Variants in PARP8 observed in about 807,000 individuals in gnomAD.
The protein encoded by PARP8 is poly(ADP-ribose) polymerase family member 8.
In PARP8, 51 loss-of-function variants were observed where a neutral mutation model predicts 124.1. The ratio of observed to expected loss-of-function variants is 0.41; its 90% CI spans 0.33 to 0.52. PARP8 has a LOEUF of 0.52. Ranked by LOEUF, PARP8 falls within the 20% of genes least tolerant of loss-of-function variation. The pLI is 0.21. For synonymous variants in PARP8, 391 were observed against 361.5 expected, an observed-to-expected ratio of 1.08 and a Z score of -0.93; for missense variants, 860 against 1,018.9, an observed-to-expected ratio of 0.84 and a Z score of 2.12.
Position 50,807,448 on chromosome 5 carries a change from A to G in PARP8, c.1576-7984A>G, listed in dbSNP as rs1448919503. Among the ~76,000 whole-genome samples the G allele has an allele frequency of 2.0e-5, 3 of 152,190 alleles. No homozygotes were observed. The South Asian group carries it at 6.2e-4, about 32-fold the overall frequency. On this transcript the variant is annotated intron_variant, in intron 14 of 25. Coordinates refer to ENST00000281631, the MANE Select transcript of PARP8 (RefSeq NM_024615.4). Reference sequence around the variant, plus strand: ...ATACTCTCATCACAAAACCAAACCAAAACCAAATGCATAGTTCTCTCCATT... The same window carrying G: ...ATACTCTCATCACAAAACCAAACCAGAACCAAATGCATAGTTCTCTCCATT...
chr5:50,826,448 G>C (rs907727631), intron 18 of PARP8, among the ~76,000 whole-genome samples: 12 of 152,074 alleles, frequency 7.9e-5, no homozygotes, highest in African/African-American at 2.9e-4. Flanking sequence ...TTATTTGAAA[G>C]TACATTCAGA....
chr5:50,775,102 C>A (rs1171606939), intron 7 of PARP8, among the ~76,000 whole-genome samples: 1 of 151,804 alleles, frequency 6.6e-6, no homozygotes. Context: ...GGGCTCCTCA[C>A]ATCCCAGACG....
chr5:50,788,445 G>C (rs1341498916), intron 9 of PARP8, 78 bp from the exon 10 acceptor site: 1 of 1,322,644 alleles, frequency 7.6e-7, no homozygotes, highest in Non-Finnish European at 1.1e-6. Context: ...TATATAATGC[G>C]ATTTCAACCT....
At chr5:50,750,347 T>A (rs902732001) in intron 3 of PARP8, among the ~76,000 whole-genome samples, 159 bp downstream of exon 3, 1 of 152,112 alleles carries the variant, frequency 6.6e-6, no homozygotes, top group Non-Finnish European at 1.5e-5. Flanking sequence ...GCCTGCAAAG[T>A]ACATGTCTTA....
chr5:50,841,089 C>G (rs1468685397), intron 25 of PARP8, among the ~76,000 whole-genome samples: 2 of 151,740 alleles, frequency 1.3e-5, no homozygotes, highest in Non-Finnish European at 2.9e-5. Flanking sequence ...AAGATAGTGG[C>G]TAGTATTAAT....
chr5:50,764,940 T>C (rs1033886292), intron 7 of PARP8, among the ~76,000 whole-genome samples: 3 of 151,858 alleles, frequency 2.0e-5, no homozygotes, highest in African/African-American at 2.4e-5. Context: ...TAATACAACA[T>C]AGACTTCAAC....
Position 50,802,390 on chromosome 5 carries a change from C to T in PARP8, c.1575+5157C>T, listed in dbSNP as rs13361410. On this transcript the variant is annotated intron_variant, in intron 14 of 25. Transcript: ENST00000281631. ...GTACAGTGGTGCTGATCATAGCTCA[C>T]TGAAGCCTCCAACTTCTGGGCTTAA... Among the ~76,000 whole-genome samples the T allele has an allele frequency of 6.9e-3, 1,054 of 152,278 alleles. 8 individuals are homozygous for T. The highest frequency in any genetic ancestry group is 0.039 in the East Asian group (203 of 5,184).
chr5:50,733,027 C>T (rs1254941736), intron 2 of PARP8, among the ~76,000 whole-genome samples: 1 of 151,640 alleles, frequency 6.6e-6, no homozygotes, highest in Non-Finnish European at 1.5e-5. Flanking sequence ...AAAGGCCGGG[C>T]GCGGTGGCTC....
At chr5:50,738,989 A>G (rs1757752746) in intron 2 of PARP8, 2 of 702,576 alleles carry the variant, frequency 2.8e-6, no homozygotes, top group Non-Finnish European at 5.2e-6. Flanking sequence ...GCACATTCCT[A>G]GACTGGCTTC....
intron 14 of PARP8, among the ~76,000 whole-genome samples, chr5:50,807,116 G>A (rs1743937034): frequency 6.6e-6 from 1 of 150,532 alleles, no homozygotes; most frequent in Admixed American, 6.6e-5. Context: ...GTTTTTTGAT[G>A]ACATAAATCC....
chr5:50,820,080 A>G (rs914704485), intron 15 of PARP8, among the ~76,000 whole-genome samples: 93 of 152,224 alleles, frequency 6.1e-4, no homozygotes, highest in African/African-American at 2.2e-3. Flanking sequence ...TACTCGGGGC[A>G]TGTTATGTCT....
chr5:50,838,993 A>AT (rs1383064486), intron 25 of PARP8, among the ~76,000 whole-genome samples: 23 of 151,288 alleles, frequency 1.5e-4, no homozygotes, highest in Admixed American at 4.0e-4. Flanking sequence ...CTGCCTTGTC[A>AT]TTTTTTTTAA....
At chr5:50,671,529 TAGA>T (rs1336752387) in intron 2 of PARP8, among the ~76,000 whole-genome samples, 6 of 151,866 alleles carry the variant, frequency 4.0e-5, no homozygotes, top group African/African-American at 9.7e-5. Flanking sequence ...AAAAAAAAGT[TAGA>T]AGAAGAAATA....
At chr5:50,683,854 A>G (rs1751560619) in intron 2 of PARP8, among the ~76,000 whole-genome samples, 1 of 152,222 alleles carries the variant, frequency 6.6e-6, no homozygotes, top group Non-Finnish European at 1.5e-5. Flanking sequence ...ATTTGTGAAA[A>G]TATAGCTAAG....
In PARP8 at chr5:50,834,025, T is replaced by C; in HGVS notation, c.2354T>C (p.Leu785Ser). The change falls in exon 24 of 26, where the codon TTA (leucine) becomes TCA (serine). Residue 785 changes from leucine (L) to serine (S), a missense_variant. This residue lies in a region of PARP8 where 343 missense variants were observed against 474.7 expected (regional missense o/e 0.72). Transcript: ENST00000281631. Reference sequence around the variant, plus strand: ...TCCCAATTCCTGCAAAGCCGTAACTTAAAATGCATAGCCTTATGTGAAGGT... The same window carrying C: ...TCCCAATTCCTGCAAAGCCGTAACTCAAAATGCATAGCCTTATGTGAAGGT... Reference protein sequence around the residue: ...QQSQFLQSRNLKCIALCEVIT... With the variant: ...QQSQFLQSRNSKCIALCEVIT... 1 of 1,612,522 alleles carries C rather than the reference T, an allele frequency of 6.2e-7. No homozygotes were observed. Among genetic ancestry groups the C allele is most frequent in the Non-Finnish European group, 8.5e-7 (1 of 1,178,944 alleles).
intron 9 of PARP8, among the ~76,000 whole-genome samples, chr5:50,782,505 A>G (rs1740784527): frequency 6.6e-6 from 1 of 151,160 alleles, no homozygotes. Context: ...CCTTTAACTT[A>G]TTATTCCAGG....
chr5:50,819,327 G>A (rs552874629), intron 15 of PARP8, among the ~76,000 whole-genome samples: 1 of 150,702 alleles, frequency 6.6e-6, no homozygotes, highest in East Asian at 2.0e-4. Flanking sequence ...AACTTCAATT[G>A]CATAGTAGGA....
intron 2 of PARP8, chr5:50,669,376 A>G (rs1470338148): frequency 6.6e-6 from 1 of 152,232 alleles, no homozygotes; most frequent in Non-Finnish European, 1.5e-5. Context: ...GTATATGACT[A>G]ATATCCTCTT....
intron 21 of PARP8, 57 bp downstream of exon 21, chr5:50,828,441 T>G: frequency 1.4e-6 from 2 of 1,469,222 alleles, no homozygotes; most frequent in Non-Finnish European, 1.9e-6. Context: ...TGAGATTCAG[T>G]AAGCAACCCT....
Sources: allele counts gnomAD v4.1 joint callset (sites outside exome capture counted in the v4.1 genomes callset), GRCh38; gene constraint gnomAD v4.1.1; regional missense constraint gnomAD v4.1.1; transcripts MANE v1.5; gene names NCBI Gene and HGNC (gene_info 2026-07-23, HGNC 2026-07-21).